Variants in CD1B observed in about 807,000 individuals in gnomAD.
The protein encoded by CD1B is CD1b molecule, also known as T-cell surface glycoprotein CD1b.
Under a neutral mutation model 39.8 loss-of-function variants are expected in CD1B, and 43 were observed. The ratio of observed to expected loss-of-function variants is 1.08; its 90% CI spans 0.85 to 1.39. The LOEUF is 1.39. Among genes scored for constraint, CD1B ranks in the 40% most tolerant of loss-of-function variants. CD1B has a pLI of 0.00. For synonymous variants in CD1B, 192 were observed against 152.5 expected (o/e 1.26, Z -1.91); for missense variants, 495 against 403.8 (o/e 1.23, Z -1.94).
chr1:158,311,932 T>C, the CD1B span, among the ~76,000 whole-genome samples: 1 of 152,226 alleles, frequency 6.6e-6, no homozygotes, highest in East Asian at 1.9e-4. Flanking sequence ...GGTAGTGTGA[T>C]TTCTACAGAT....
At chr1:158,309,850 A>C in the CD1B span, among the ~76,000 whole-genome samples, 1 of 149,478 alleles carries the variant, frequency 6.7e-6, no homozygotes. Flanking sequence ...GGGAAGGGGG[A>C]GGGATAGCAT....
downstream of CD1B, among the ~76,000 whole-genome samples, chr1:158,325,527 G>A (rs1242294898): frequency 2.0e-5 from 3 of 152,056 alleles, no homozygotes; most frequent in Non-Finnish European, 4.4e-5. Flanking sequence ...TGTAATTTTT[G>A]TTGATATGTA....
At chr1:158,301,791 T>C in the CD1B span, among the ~76,000 whole-genome samples, 1 of 152,154 alleles carries the variant, frequency 6.6e-6, no homozygotes, top group Non-Finnish European at 1.5e-5. Context: ...TGGAGTATCT[T>C]TGTGGTGTTC....
chr1:158,310,246 T>G, the CD1B span, among the ~76,000 whole-genome samples: 1 of 152,174 alleles, frequency 6.6e-6, no homozygotes, highest in African/African-American at 2.4e-5. Context: ...TAAATGGTGT[T>G]GTGCTAACTG....
chr1:158,321,741 GTTTTA>G, the CD1B span, among the ~76,000 whole-genome samples: 40 of 152,174 alleles, frequency 2.6e-4, 1 homozygote, highest in African/African-American at 9.6e-4. Context: ...ACATCAAGTT[GTTTTA>G]TTTTATTTTA....
At chr1:158,293,687 T>C in the CD1B span, 1 of 1,166,216 alleles carries the variant, frequency 8.6e-7, no homozygotes, top group Non-Finnish European at 1.2e-6. Flanking sequence ...AGCCCATTTC[T>C]GATGTCATTT....
chr1:158,295,153 A>C, the CD1B span, among the ~76,000 whole-genome samples: 1 of 152,130 alleles, frequency 6.6e-6, no homozygotes, highest in African/African-American at 2.4e-5. Context: ...AAGATGGCTG[A>C]CTAGATGCAG....
At chr1:158,307,856 T>A in the CD1B span, among the ~76,000 whole-genome samples, 1 of 152,182 alleles carries the variant, frequency 6.6e-6, no homozygotes, top group East Asian at 1.9e-4. Flanking sequence ...GAGCTATTTA[T>A]GACAAACCCA....
At chr1:158,286,568 A>T in the CD1B span, among the ~76,000 whole-genome samples, 1 of 152,198 alleles carries the variant, frequency 6.6e-6, no homozygotes, top group South Asian at 2.1e-4. Context: ...ATGGACATGG[A>T]GGGATATGGA....
At chr1:158,324,542 GGA>G (rs1652283610), downstream of CD1B, among the ~76,000 whole-genome samples, 2 of 152,110 alleles carry the variant, frequency 1.3e-5, no homozygotes, top group African/African-American at 4.8e-5. Flanking sequence ...TTTCCGTGTG[GGA>G]GAAAAGAGAA....
the CD1B span, among the ~76,000 whole-genome samples, chr1:158,309,574 A>T: frequency 6.6e-6 from 1 of 152,210 alleles, no homozygotes; most frequent in Non-Finnish European, 1.5e-5. Context: ...AAGACTTGGA[A>T]CCAACCCAAA....
chr1:158,296,452 G>A, the CD1B span, among the ~76,000 whole-genome samples: 38 of 152,242 alleles, frequency 2.5e-4, 1 homozygote, highest in South Asian at 6.2e-4. Context: ...CCCATCAAAA[G>A]GACAGCAACT....
At position 158,329,435 on chromosome 1, in the gene CD1B, G is replaced by A. The variant is rs145185568; in HGVS notation, c.821C>T (p.Ala274Val). The A allele has an allele frequency of 6.5e-4, 1,045 of 1,614,140 alleles. 2 individuals are homozygous for A. Among genetic ancestry groups the A allele is most frequent in the Middle Eastern group, 3.1e-3 (19 of 6,062 alleles). The part of the protein sequence containing the change: ...RATLDVADGE[A>V]AGLSCRVKHS... ...CTTCACCCGACAGGACAGGCCAGCC[G>A]CCTCCCCATCTGCCACATCCAGGGT... is the stretch of plus-strand genomic sequence containing the variant. The change falls in exon 4 of 6, where the codon GCG becomes GTG. Residue 274 changes from alanine to valine, a missense_variant. By Grantham distance (64) the Ala-to-Val change is moderately conservative. Transcript: ENST00000368168.
chr1:158,301,935 A>AT, the CD1B span, among the ~76,000 whole-genome samples: 1 of 151,774 alleles, frequency 6.6e-6, no homozygotes, highest in East Asian at 1.9e-4. Flanking sequence ...TCAAACATAG[A>AT]TTTTTTTCTT....
At position 158,331,440 on chromosome 1, in the gene CD1B, A is replaced by G. The variant is rs1652600933; in HGVS notation, c.-17T>C. On this transcript the variant is annotated 5_prime_UTR_variant, in exon 1 of 6. Coordinates refer to ENST00000368168, the MANE Select transcript of CD1B (RefSeq NM_001764.3). The stretch of plus-strand genomic sequence containing the variant: ...CAGCAGCATTTCACTGGGAGATGCA[A>G]CTTCTTACTGGCAGAGCTGGTATTT... The G allele has an allele frequency of 1.9e-6, 3 of 1,608,536 alleles. No homozygotes were observed. The highest frequency in any genetic ancestry group is 1.3e-5 in the African/African-American group (1 of 74,772).
chr1:158,294,933 G>A, the CD1B span, among the ~76,000 whole-genome samples: 5 of 151,882 alleles, frequency 3.3e-5, no homozygotes, highest in Non-Finnish European at 7.4e-5. Context: ...CAGGGCCTTT[G>A]TCTCCTTGTG....
In CD1B at chr1:158,329,447, G is replaced by A. The variant is rs1173674899; in HGVS notation, c.809C>T (p.Ala270Val). 1 of 1,614,136 alleles carries A rather than the reference G, an allele frequency of 6.2e-7. No homozygotes were observed. The highest frequency in any genetic ancestry group is 2.2e-5 in the East Asian group (1 of 44,866). ...GGACAGGCCAGCCGCCTCCCCATCT[G>A]CCACATCCAGGGTTGCTCGGAGATA... is the stretch of plus-strand genomic sequence containing the variant. ...TWYLRATLDVADGEAAGLSCR... is the reference protein window; with the variant it reads ...TWYLRATLDVVDGEAAGLSCR... Residue 270 changes from alanine to valine, a missense_variant, in exon 4 of 6, where the codon GCA becomes GTA. Coordinates refer to ENST00000368168, the MANE Select transcript of CD1B (RefSeq NM_001764.3).
chr1:158,315,411 T>C, the CD1B span, among the ~76,000 whole-genome samples: 1,638 of 151,652 alleles, frequency 0.011, no homozygotes, highest in African/African-American at 0.036. Context: ...TGGCCAGTGA[T>C]GATGAGCATT....
At chr1:158,312,462 C>T in the CD1B span, among the ~76,000 whole-genome samples, 1 of 152,136 alleles carries the variant, frequency 6.6e-6, no homozygotes, top group Non-Finnish European at 1.5e-5. Context: ...TCAGATATGT[C>T]TTTATTAGCA....
Sources: gnomAD v4.1 joint callset for allele counts (sites outside exome capture counted in the v4.1 genomes callset) on GRCh38, gnomAD v4.1.1 for gene constraint, MANE v1.5 for transcripts, NCBI Gene and HGNC (gene_info 2026-07-23, HGNC 2026-07-21) for gene names.